The following ST3GAL2 variants were observed in gnomAD, a reference collection of about 807,000 sequenced individuals.
The protein encoded by ST3GAL2 is CMP-N-acetylneuraminate-beta-galactosamide-alpha-2,3-sialyltransferase 2.
A neutral mutation model predicts 37.5 loss-of-function variants in ST3GAL2; 16 were observed. That is an observed-to-expected ratio of 0.43 (90% CI 0.29 to 0.65). The LOEUF (loss-of-function observed/expected upper bound fraction) is 0.65, where lower values mean the gene tolerates loss of function less well. Among genes scored for constraint, ST3GAL2 ranks in the 30% least tolerant of loss-of-function variants. The pLI, the probability that ST3GAL2 is intolerant of heterozygous loss-of-function variation, is 0.17. For synonymous variants in ST3GAL2, 238 were observed against 202.9 expected (o/e 1.17, Z -1.47); for missense variants, 383 against 487.8 (o/e 0.79, Z 2.02).
chr16:70,426,293 A>T (rs2047751010), intron 1 of ST3GAL2, among the ~76,000 whole-genome samples: 1 of 145,254 alleles, frequency 6.9e-6, no homozygotes, highest in Admixed American at 7.4e-5. Flanking sequence ...TCCCAGGTTC[A>T]AGCGATTCTC....
At chr16:70,425,935 G>T (rs752254362) in intron 1 of ST3GAL2, among the ~76,000 whole-genome samples, 2 of 152,168 alleles carry the variant, frequency 1.3e-5, no homozygotes, top group Non-Finnish European at 2.9e-5. Context: ...CGTGCGGATG[G>T]TGAGGGAGGC....
At position 70,399,545 on chromosome 16, in the gene ST3GAL2, G is replaced by C; in HGVS notation, c.-1003-12C>G. ...GCCGCAGCACGACCCTAGAATGGCA[G>C]AGAGGAGAAATAATGTGCGGATGAA... On this transcript the variant is annotated splice_polypyrimidine_tract_variant and intron_variant, in intron 1 of 6. Transcript: ENST00000342907. 2.5e-6 allele frequency: 1 copy of C among 397,810 alleles called. No individual in the cohort carries two copies. The highest frequency in any genetic ancestry group is 4.4e-6 in the Non-Finnish European group (1 of 226,086). The allele number at this position is 397,810 out of a possible 1,614,324, so 24.6% of individuals were successfully genotyped here. A position where few individuals can be genotyped will look rare whatever the true frequency, so the allele number is the denominator to read the frequency against.
chr16:70,391,186 G>A (rs145432978), intron 3 of ST3GAL2, among the ~76,000 whole-genome samples: 2 of 152,298 alleles, frequency 1.3e-5, no homozygotes, highest in Admixed American at 6.5e-5. Flanking sequence ...TGCTGTCCAG[G>A]ATCACTGTGC....
At chr16:70,383,723 C>G (rs1473273996) in intron 4 of ST3GAL2, among the ~76,000 whole-genome samples, 1 of 151,924 alleles carries the variant, frequency 6.6e-6, no homozygotes, top group Non-Finnish European at 1.5e-5. Flanking sequence ...CCCCCCACGC[C>G]AGGCCTGAGC....
At position 70,381,668 on chromosome 16, in the gene ST3GAL2, AGG is replaced by A. The variant is rs960161888; in HGVS notation, c.*19_*20del. The A allele has an allele frequency of 5.0e-6, 8 of 1,610,106 alleles. No homozygotes were observed. Among genetic ancestry groups the A allele is most frequent in the Non-Finnish European group, 5.9e-6 (7 of 1,178,290 alleles). On this transcript the variant is annotated 3_prime_UTR_variant, in exon 7 of 7. Transcript: ENST00000342907. ...CCCGGTGCCCGATAGATGGGCCGGAAGGGTCGCGGCGAGGCCCGGCTCAGTTG... is the reference window on the plus strand; with the variant it reads ...CCCGGTGCCCGATAGATGGGCCGGAAGTCGCGGCGAGGCCCGGCTCAGTTG...
In ST3GAL2 at chr16:70,398,327, C is replaced by T. The variant is rs374712368; in HGVS notation, c.204G>A (p.Lys68=). The change falls in exon 2 of 7, where the codon AAG becomes AAA. Residue 68 remains lysine, a synonymous_variant. Coordinates refer to ENST00000342907, the MANE Select transcript of ST3GAL2 (RefSeq NM_006927.4). ...QRLSKERLSG[K]SCACRRCMGD... ...CCATGCAGCGGCGACAGGCACAGCT[C>T]TTGCCCGAGAGCCTCTCCTTGCTGA... 102 of 1,613,354 alleles carry T rather than the reference C, an allele frequency of 6.3e-5. No individual in the cohort carries two copies. The highest frequency in any genetic ancestry group is 3.0e-4 in the Admixed American group (18 of 60,012).
chr16:70,396,315 A>AAC (rs1555558304), intron 2 of ST3GAL2, among the ~76,000 whole-genome samples: 1 of 148,182 alleles, frequency 6.7e-6, no homozygotes, highest in Non-Finnish European at 1.5e-5. Context: ...AAAAAAAAAA[A>AAC]CCCACATAAA....
At chr16:70,419,941 G>A (rs1272487815) in intron 1 of ST3GAL2, among the ~76,000 whole-genome samples, 1 of 151,182 alleles carries the variant, frequency 6.6e-6, no homozygotes, top group Non-Finnish European at 1.5e-5. Context: ...GGCCTACTTT[G>A]TACCAGGCAA....
At chr16:70,415,018 C>T (rs926772570) in intron 1 of ST3GAL2, among the ~76,000 whole-genome samples, 9 of 152,080 alleles carry the variant, frequency 5.9e-5, no homozygotes, top group Admixed American at 1.3e-4. Context: ...GGACTACAGG[C>T]GTCCGCCACC....
chr16:70,436,861 A>G (rs1435095031), intron 1 of ST3GAL2, among the ~76,000 whole-genome samples: 3 of 152,196 alleles, frequency 2.0e-5, no homozygotes, highest in Non-Finnish European at 4.4e-5. Flanking sequence ...GGCCAAAATA[A>G]GGCAGGATGT....
chr16:70,433,132 T>G (rs571427467), intron 1 of ST3GAL2, among the ~76,000 whole-genome samples: 3 of 152,188 alleles, frequency 2.0e-5, no homozygotes, highest in Non-Finnish European at 2.9e-5. Flanking sequence ...CCAGCTCTCA[T>G]CACCAGGCAC....
At chr16:70,415,762 C>CTTTTTTTTTTTTTTTT (rs1203693372) in intron 1 of ST3GAL2, among the ~76,000 whole-genome samples, 1 of 115,940 alleles carries the variant, frequency 8.6e-6, no homozygotes. Flanking sequence ...TTCCAAGATT[C>CTTTTTTTTTTTTTTTT]TTTTTTTTTT....
chr16:70,419,195 G>T (rs2047696864), intron 1 of ST3GAL2, among the ~76,000 whole-genome samples: 1 of 152,194 alleles, frequency 6.6e-6, no homozygotes, highest in Non-Finnish European at 1.5e-5. Context: ...TGATGGCAAG[G>T]GGCTAAGCTA....
At position 70,381,940 on chromosome 16, in the gene ST3GAL2, A is replaced by C. The variant is rs2047408947; in HGVS notation, c.880-78T>G. 6 of 1,562,558 alleles carry C rather than the reference A, an allele frequency of 3.8e-6. No homozygotes were observed. The Admixed American group carries it at 1.0e-4, about 27-fold the overall frequency. Reference sequence around the variant, plus strand: ...GCGGGGCGGGCTCGGGATGACAGGGAGGAGAGGGGACGGGAGGCCCCGGGG... The same window carrying C: ...GCGGGGCGGGCTCGGGATGACAGGGCGGAGAGGGGACGGGAGGCCCCGGGG... On this transcript the variant is annotated intron_variant, in intron 6 of 6. Transcript: ENST00000342907.
intron 1 of ST3GAL2, among the ~76,000 whole-genome samples, chr16:70,434,528 G>C (rs1365943340): frequency 2.0e-5 from 3 of 152,306 alleles, no homozygotes; most frequent in Non-Finnish European, 2.9e-5. Context: ...CAGGAACTAA[G>C]AGCAGGGGCT....
At chr16:70,402,694 G>A (rs1187644982) in intron 1 of ST3GAL2, among the ~76,000 whole-genome samples, 4 of 152,156 alleles carry the variant, frequency 2.6e-5, no homozygotes, top group Non-Finnish European at 1.5e-5. Context: ...TCTGTCACCA[G>A]GCTGGAGTGC....
chr16:70,385,567 A>G (rs1169523618), intron 4 of ST3GAL2, among the ~76,000 whole-genome samples: 1 of 151,774 alleles, frequency 6.6e-6, no homozygotes, highest in Non-Finnish European at 1.5e-5. Flanking sequence ...CAACAAAAAT[A>G]TATGGTGAGA....
At chr16:70,402,131 C>G (rs1396563924) in intron 1 of ST3GAL2, among the ~76,000 whole-genome samples, 1 of 151,244 alleles carries the variant, frequency 6.6e-6, no homozygotes, top group Non-Finnish European at 1.5e-5. Context: ...GAAACCCCAT[C>G]TCTACTAAAA....
chr16:70,428,461 C>G (rs1250659967), intron 1 of ST3GAL2, among the ~76,000 whole-genome samples: 1 of 152,192 alleles, frequency 6.6e-6, no homozygotes, highest in African/African-American at 2.4e-5. Flanking sequence ...CTGCCATTAA[C>G]AACCCCTCCC....
Sources: allele counts gnomAD v4.1 joint callset (sites outside exome capture counted in the v4.1 genomes callset), GRCh38; gene constraint gnomAD v4.1.1; transcripts MANE v1.5; gene names NCBI Gene and HGNC (gene_info 2026-07-23, HGNC 2026-07-21).